Variants in KCND2 observed in about 807,000 individuals in gnomAD.
KCND2 encodes the protein potassium voltage-gated channel subfamily D member 2.
A neutral mutation model predicts 54.4 loss-of-function variants in KCND2; 16 were observed. The ratio of observed to expected loss-of-function variants is 0.29; its 90% CI spans 0.20 to 0.45. The LOEUF (loss-of-function observed/expected upper bound fraction) is 0.45. Among genes scored for constraint, KCND2 ranks in the 20% least tolerant of loss-of-function variants. The probability of loss-of-function intolerance (pLI) is 1.00; values close to 1 mark genes in which losing one functional copy is unlikely to be tolerated. For missense variants in KCND2, 486 were observed against 824.2 expected (o/e 0.59, Z 5.02); for synonymous variants, 317 against 310.7 (o/e 1.02, Z -0.21).
intron 1 of KCND2, among the ~76,000 whole-genome samples, chr7:120,421,072 TTA>T (rs1211895017): frequency 3.3e-5 from 5 of 152,216 alleles, no homozygotes; most frequent in African/African-American, 9.6e-5. Context: ...ACGGTAATGA[TTA>T]TGTCACTGAA....
At chr7:120,385,192 C>CG (rs923859137) in intron 1 of KCND2, among the ~76,000 whole-genome samples, 3 of 150,292 alleles carry the variant, frequency 2.0e-5, no homozygotes, top group Admixed American at 6.7e-5. Context: ...TTGGTAGAGA[C>CG]GGGGTTTTAT....
At chr7:120,468,864 A>G (rs916381551) in intron 1 of KCND2, among the ~76,000 whole-genome samples, 1 of 145,740 alleles carries the variant, frequency 6.9e-6, no homozygotes, top group Non-Finnish European at 1.5e-5. Flanking sequence ...CCCAGCTCCA[A>G]GCTTATTCTT....
intron 1 of KCND2, among the ~76,000 whole-genome samples, chr7:120,352,362 G>A (rs1046318218): frequency 2.7e-5 from 4 of 150,918 alleles, no homozygotes; most frequent in East Asian, 1.9e-4. Context: ...ACATACATAT[G>A]TATGTATATA....
chr7:120,639,545 TCAC>T (rs745514054), intron 1 of KCND2, among the ~76,000 whole-genome samples: 18 of 152,204 alleles, frequency 1.2e-4, no homozygotes, highest in Non-Finnish European at 2.2e-4. Flanking sequence ...TTTCTGTTGC[TCAC>T]TTAACACAGC....
chr7:120,295,544 C>T (rs902510647), intron 1 of KCND2, among the ~76,000 whole-genome samples: 52 of 151,818 alleles, frequency 3.4e-4, no homozygotes, highest in African/African-American at 1.2e-3. Flanking sequence ...ATGGTAGATT[C>T]TGAATGAAGC....
intron 1 of KCND2, among the ~76,000 whole-genome samples, chr7:120,414,805 C>G (rs946923061): frequency 6.6e-6 from 1 of 152,122 alleles, no homozygotes; most frequent in Admixed American, 6.6e-5. Context: ...ATTATTCTTC[C>G]ACTTCATCAT....
intron 1 of KCND2, among the ~76,000 whole-genome samples, chr7:120,552,833 A>G (rs987238019): frequency 6.6e-6 from 1 of 152,232 alleles, no homozygotes; most frequent in African/African-American, 2.4e-5. Flanking sequence ...TCTAAAGCCC[A>G]TCACTACTCC....
At chr7:120,522,193 G>C (rs1425294784) in intron 1 of KCND2, among the ~76,000 whole-genome samples, 1 of 152,062 alleles carries the variant, frequency 6.6e-6, no homozygotes. Flanking sequence ...CATCCTGTTG[G>C]CAGGAAGTGA....
At chr7:120,563,204 C>G (rs1203046408) in intron 1 of KCND2, among the ~76,000 whole-genome samples, 1 of 152,064 alleles carries the variant, frequency 6.6e-6, no homozygotes, top group Non-Finnish European at 1.5e-5. Context: ...TAAACATTCC[C>G]CCTTTCCATT....
chr7:120,668,592 G>A lies in KCND2; in HGVS notation c.1116-64311G>A, dbSNP rs560030666. 3.9e-5 allele frequency among the ~76,000 whole-genome samples: 6 copies of A among 152,034 alleles called. No homozygotes were observed. In the South Asian group the frequency reaches 8.3e-4, roughly 21 times the overall value. ...GTAAAATTACATTGCATCAGTTTCA[G>A]GATATTAGTTCAGGTCTAATAAAAT... On this transcript the variant is annotated intron_variant, in intron 1 of 5. Transcript: ENST00000331113.
intron 1 of KCND2, among the ~76,000 whole-genome samples, chr7:120,357,478 T>C (rs894977551): frequency 2.6e-5 from 4 of 152,168 alleles, no homozygotes; most frequent in Non-Finnish European, 4.4e-5. Context: ...TATTTGTTTA[T>C]TTATGTATAC....
chr7:120,683,637 CTA>C (rs745781169), intron 1 of KCND2, among the ~76,000 whole-genome samples: 18 of 152,048 alleles, frequency 1.2e-4, no homozygotes, highest in Middle Eastern at 6.8e-3. Context: ...CATTCTGTGT[CTA>C]GAGAGAAAAT....
intron 1 of KCND2, among the ~76,000 whole-genome samples, chr7:120,529,653 C>A (rs1277302309): frequency 6.6e-6 from 1 of 152,120 alleles, no homozygotes; most frequent in African/African-American, 2.4e-5. Flanking sequence ...ACTTTAAACA[C>A]CTGTCTCCTT....
At chr7:120,634,266 C>T (rs774922379) in intron 1 of KCND2, among the ~76,000 whole-genome samples, 4 of 151,798 alleles carry the variant, frequency 2.6e-5, no homozygotes, top group African/African-American at 4.8e-5. Flanking sequence ...CAATGCCTTC[C>T]GACACCAATA....
chr7:120,674,890 T>C (rs951528520), intron 1 of KCND2, among the ~76,000 whole-genome samples: 3 of 152,300 alleles, frequency 2.0e-5, no homozygotes, highest in Middle Eastern at 3.4e-3. Flanking sequence ...ACCTTTGTAA[T>C]ACAATTGATT....
chr7:120,469,809 T>C (rs1346302648), intron 1 of KCND2, among the ~76,000 whole-genome samples: 2 of 152,118 alleles, frequency 1.3e-5, no homozygotes, highest in African/African-American at 4.8e-5. Flanking sequence ...AATAAAAAGC[T>C]ACCAGACTAA....
intron 1 of KCND2, among the ~76,000 whole-genome samples, chr7:120,562,862 A>T (rs952565468): frequency 1.3e-5 from 2 of 152,184 alleles, no homozygotes; most frequent in African/African-American, 4.8e-5. Context: ...ATTTTTGTTA[A>T]ACAAAGATAA....
chr7:120,422,242 G>A (rs1801636523), intron 1 of KCND2, among the ~76,000 whole-genome samples: 2 of 152,180 alleles, frequency 1.3e-5, no homozygotes, highest in African/African-American at 4.8e-5. Context: ...AAGTTCTCAA[G>A]CTTCTTTTAA....
intron 1 of KCND2, among the ~76,000 whole-genome samples, chr7:120,489,499 A>T (rs1430553826): frequency 6.6e-6 from 1 of 152,210 alleles, no homozygotes; most frequent in Admixed American, 6.5e-5. Context: ...CTAAATGAAT[A>T]ACTTTCACAG....
Sources: gnomAD v4.1 joint callset for allele counts (sites outside exome capture counted in the v4.1 genomes callset) on GRCh38, gnomAD v4.1.1 for gene constraint, MANE v1.5 for transcripts, NCBI Gene and HGNC (gene_info 2026-07-23, HGNC 2026-07-21) for gene names.